NEMP2: variants seen among roughly 807,000 people sequenced by gnomAD.
NEMP2 encodes the protein UPF0571 transmembrane protein.
NEMP2 carries 53 observed loss-of-function variants against 54.2 expected under a neutral mutation model. The ratio of observed to expected loss-of-function variants is 0.98; its 90% CI spans 0.78 to 1.23. The LOEUF is 1.23. NEMP2 is among the 50% of genes most tolerant of loss of function. The probability of loss-of-function intolerance (pLI) is 0.00; values close to 1 mark genes in which losing one functional copy is unlikely to be tolerated. For synonymous variants in NEMP2, 197 were observed against 190.3 expected, an observed-to-expected ratio of 1.04 and a Z score of -0.29; for missense variants, 455 against 511.3, an observed-to-expected ratio of 0.89 and a Z score of 1.06.
At chr2:190,564,146 A>G in the NEMP2 span, among the ~76,000 whole-genome samples, 1 of 152,242 alleles carries the variant, frequency 6.6e-6, no homozygotes, top group African/African-American at 2.4e-5. This position sits in a 1 kb window ranked among gnomAD's most constrained non-coding sequence, Gnocchi z 4.2. Context: ...AACAGAATCT[A>G]TTCTGCAATA....
rs1690308219 is a variant in NEMP2 at position 190,510,212 on chromosome 2, T to C, written c.1130+149A>G. ...GTTCTACTGTGCAAAGTCACAGTAC[T>C]GAGAAAAGGGACCTCTGACAACTTC... On this transcript the variant is annotated intron_variant, in intron 8 of 8. Coordinates refer to ENST00000409150, the MANE Select transcript of NEMP2 (RefSeq NM_001142645.2). The surrounding 1 kb of genome is among the most constrained non-coding windows in gnomAD (Gnocchi z 5.7). 1.2e-6 allele frequency: 1 copy of C among 848,780 alleles called. No homozygotes were observed. The highest frequency in any genetic ancestry group is 2.8e-5 in the Admixed American group (1 of 35,680). The allele number at this position is 848,780 out of a possible 1,614,324, so 52.6% of individuals were successfully genotyped here. A position where few individuals can be genotyped will look rare whatever the true frequency, so the allele number is the denominator to read the frequency against.
At chr2:190,441,503 G>A in the NEMP2 span, among the ~76,000 whole-genome samples, 2 of 152,016 alleles carry the variant, frequency 1.3e-5, no homozygotes, top group South Asian at 2.1e-4. Context: ...GGGGAAAGCA[G>A]GGCATTTATA....
chr2:190,487,624 A>G, the NEMP2 span, among the ~76,000 whole-genome samples: 5 of 152,258 alleles, frequency 3.3e-5, no homozygotes, highest in African/African-American at 1.2e-4. This position sits in a 1 kb window ranked among gnomAD's most constrained non-coding sequence, Gnocchi z 5.5. Context: ...AAGAAGATAT[A>G]GATGGCCAAT....
At chr2:190,494,371 A>C in the NEMP2 span, among the ~76,000 whole-genome samples, 1 of 152,074 alleles carries the variant, frequency 6.6e-6, no homozygotes, top group Non-Finnish European at 1.5e-5. The surrounding 1 kb of genome is among the most constrained non-coding windows in gnomAD (Gnocchi z 5.7). Flanking sequence ...ATTGCCAACA[A>C]AAAAAAGTCC....
chr2:190,643,795 C>T, the NEMP2 span, among the ~76,000 whole-genome samples: 1 of 152,094 alleles, frequency 6.6e-6, no homozygotes, highest in Non-Finnish European at 1.5e-5. Flanking sequence ...GGCATGGTGG[C>T]ACGCCTATAG....
the NEMP2 span, chr2:190,469,919 G>T: frequency 8.7e-7 from 1 of 1,155,304 alleles, no homozygotes. This position sits in a 1 kb window ranked among gnomAD's most constrained non-coding sequence, Gnocchi z 5.3. Context: ...TAAAAGCCCA[G>T]TGGCCTTCAG....
At chr2:190,448,109 C>A in the NEMP2 span, among the ~76,000 whole-genome samples, 1 of 152,112 alleles carries the variant, frequency 6.6e-6, no homozygotes, top group Non-Finnish European at 1.5e-5. Context: ...GTGTACTGTA[C>A]CTTTTGTGAT....
At chr2:190,625,150 C>A in the NEMP2 span, 4 of 152,212 alleles carry the variant, frequency 2.6e-5, no homozygotes, top group South Asian at 6.2e-4. Context: ...AAAACTTGTA[C>A]ACTCATGTTC....
chr2:190,477,402 A>C, the NEMP2 span: 1 of 952,088 alleles, frequency 1.1e-6, no homozygotes, highest in South Asian at 4.9e-5. Context: ...AAAAGAAATG[A>C]CTATATATTA....
At chr2:190,555,016 AG>A in the NEMP2 span, among the ~76,000 whole-genome samples, 1 of 152,084 alleles carries the variant, frequency 6.6e-6, no homozygotes, top group Non-Finnish European at 1.5e-5. This position sits in a 1 kb window ranked among gnomAD's most constrained non-coding sequence, Gnocchi z 4.8. Context: ...CCAGGCGAAC[AG>A]GGTCTGGAGT....
the NEMP2 span, among the ~76,000 whole-genome samples, chr2:190,431,130 C>T: frequency 6.6e-6 from 1 of 150,538 alleles, no homozygotes; most frequent in Non-Finnish European, 1.5e-5. The surrounding 1 kb of genome is among the most constrained non-coding windows in gnomAD (Gnocchi z 4.4). Context: ...GAGGCGCTCC[C>T]CACATCTCAG....
In NEMP2 at chr2:190,519,007, G is replaced by A; in HGVS notation, c.390C>T (p.Phe130=). 1 of 1,551,328 alleles carries A rather than the reference G, an allele frequency of 6.4e-7. No homozygotes were observed. Among genetic ancestry groups the A allele is most frequent in the Non-Finnish European group, 8.7e-7 (1 of 1,146,930 alleles). ...ATATCTTCTTGACAGGCTCCACAGAGAAGCACACAGTCTCCCTGTATGGAT... is the reference window on the plus strand; with the variant it reads ...ATATCTTCTTGACAGGCTCCACAGAAAAGCACACAGTCTCCCTGTATGGAT... The part of the protein sequence containing the change: ...IINPYRETVC[F]SVEPVKKIFN... Residue 130 remains phenylalanine, a synonymous_variant, in exon 3 of 9, where the codon TTC becomes TTT. Transcript: ENST00000409150. The surrounding 1 kb of genome is among the most constrained non-coding windows in gnomAD (Gnocchi z 5.4).
chr2:190,555,654 G>A, the NEMP2 span, among the ~76,000 whole-genome samples: 1 of 152,048 alleles, frequency 6.6e-6, no homozygotes, highest in African/African-American at 2.4e-5. The surrounding 1 kb of genome is among the most constrained non-coding windows in gnomAD (Gnocchi z 4.8). Context: ...AAGCCTCCAA[G>A]AAATATGGGA....
intron 1 of NEMP2, among the ~76,000 whole-genome samples, chr2:190,526,752 G>A (rs77760468): frequency 2.0e-5 from 3 of 152,070 alleles, no homozygotes; most frequent in South Asian, 2.1e-4. Context: ...GTTCAATTTC[G>A]GATATACTGA....
chr2:190,518,850 T>C (rs1690656554), intron 3 of NEMP2, 42 bp from the exon 4 acceptor site: 18 of 1,523,314 alleles, frequency 1.2e-5, no homozygotes, highest in Middle Eastern at 1.7e-4. Flanking sequence ...AAAGATTTTT[T>C]ATCAATGTAA....
chr2:190,499,131 G>C, the NEMP2 span, among the ~76,000 whole-genome samples: 1 of 152,302 alleles, frequency 6.6e-6, no homozygotes, highest in East Asian at 1.9e-4. The surrounding 1 kb of genome is among the most constrained non-coding windows in gnomAD (Gnocchi z 6.0). Context: ...CTAGGCGACA[G>C]AGTGAGACTC....
At chr2:190,467,199 A>T in the NEMP2 span, among the ~76,000 whole-genome samples, 1 of 152,258 alleles carries the variant, frequency 6.6e-6, no homozygotes, top group Non-Finnish European at 1.5e-5. This position sits in a 1 kb window ranked among gnomAD's most constrained non-coding sequence, Gnocchi z 5.5. Context: ...TGGCTCAGTA[A>T]GAGAACAACC....
chr2:190,620,062 T>C, the NEMP2 span, among the ~76,000 whole-genome samples: 16 of 152,316 alleles, frequency 1.1e-4, no homozygotes, highest in Non-Finnish European at 2.1e-4. This position sits in a 1 kb window ranked among gnomAD's most constrained non-coding sequence, Gnocchi z 4.9. Flanking sequence ...CAGCAATTCT[T>C]TTCCAGGATG....
the NEMP2 span, among the ~76,000 whole-genome samples, chr2:190,426,009 TTGAC>T: frequency 6.6e-6 from 1 of 152,218 alleles, no homozygotes; most frequent in African/African-American, 2.4e-5. This position sits in a 1 kb window ranked among gnomAD's most constrained non-coding sequence, Gnocchi z 4.7. Flanking sequence ...TTTTAGAAGT[TTGAC>T]TGATGAGTTT....
Sources: gnomAD v4.1 joint callset for allele counts (sites outside exome capture counted in the v4.1 genomes callset) on GRCh38, gnomAD v4.1.1 for gene constraint, Gnocchi (gnomAD v3.1) non-coding constraint, MANE v1.5 for transcripts, NCBI Gene and HGNC (gene_info 2026-07-23, HGNC 2026-07-21) for gene names.